Variants in ZDHHC2 observed in about 807,000 individuals in gnomAD.
The protein encoded by ZDHHC2 is palmitoyltransferase ZDHHC2.
ZDHHC2 carries 51 observed loss-of-function variants against 55.6 expected under a neutral mutation model. That is an observed-to-expected ratio of 0.92 (90% CI 0.73 to 1.16). ZDHHC2 has a LOEUF of 1.16. Ranked by LOEUF, ZDHHC2 falls within the 50% of genes most tolerant of loss-of-function variation. The pLI is 0.00. For synonymous variants in ZDHHC2, 199 were observed against 152.9 expected (o/e 1.30, Z -2.22); for missense variants, 491 against 442.4 (o/e 1.11, Z -0.99).
chr8:17,210,076 T>G lies in ZDHHC2; in HGVS notation c.857+18T>G. On this transcript the variant is annotated intron_variant, in intron 9 of 12. Coordinates refer to ENST00000262096, the MANE Select transcript of ZDHHC2 (RefSeq NM_016353.5). ...TTTTCAAGGTACTTCTTTGTTAAAA[T>G]TTTCAGGCTTTAAACTAATGAAAAT... 6.3e-7 allele frequency: 1 copy of G among 1,576,206 alleles called. No homozygotes were observed. The highest frequency in any genetic ancestry group is 8.6e-7 in the Non-Finnish European group (1 of 1,159,918).
intron 3 of ZDHHC2, among the ~76,000 whole-genome samples, chr8:17,188,221 C>G (rs1382844188): frequency 6.6e-6 from 1 of 152,158 alleles, no homozygotes; most frequent in Non-Finnish European, 1.5e-5. Flanking sequence ...CCTGGCCTAC[C>G]TTTCCTTCCC....
intron 8 of ZDHHC2, 113 bp from the exon 9 acceptor site, chr8:17,209,819 A>G (rs1463778503): frequency 1.6e-6 from 2 of 1,263,056 alleles, no homozygotes; most frequent in African/African-American, 3.1e-5. Context: ...CCTCACAGTC[A>G]GCTAGCCATT....
At chr8:17,180,805 G>A (rs111950216) in intron 1 of ZDHHC2, among the ~76,000 whole-genome samples, 59 of 152,282 alleles carry the variant, frequency 3.9e-4, no homozygotes, top group African/African-American at 1.4e-3. Context: ...ATTATGCTTA[G>A]TAATAATCTC....
intron 10 of ZDHHC2, among the ~76,000 whole-genome samples, 167 bp from the exon 11 acceptor site, chr8:17,215,070 G>A (rs1233501108): frequency 6.6e-6 from 1 of 152,170 alleles, no homozygotes; most frequent in East Asian, 1.9e-4. Flanking sequence ...CTCACCGCGA[G>A]TCAGTGCTAT....
chr8:17,184,511 A>G (rs1805605938), intron 1 of ZDHHC2, among the ~76,000 whole-genome samples: 1 of 152,244 alleles, frequency 6.6e-6, no homozygotes, highest in South Asian at 2.1e-4. Flanking sequence ...ATACAGAAAT[A>G]AGACCCGCAA....
chr8:17,196,306 C>T (rs898933550), intron 4 of ZDHHC2, among the ~76,000 whole-genome samples: 7 of 152,000 alleles, frequency 4.6e-5, no homozygotes, highest in Non-Finnish European at 7.4e-5. Context: ...CTGTTGAGCG[C>T]TTGAAGTATG....
At chr8:17,159,794 A>C (rs1804244394) in intron 1 of ZDHHC2, among the ~76,000 whole-genome samples, 1 of 152,138 alleles carries the variant, frequency 6.6e-6, no homozygotes, top group South Asian at 2.1e-4. Flanking sequence ...CATTTGGACC[A>C]CGTTTATCTC....
chr8:17,158,317 C>A (rs939009087), intron 1 of ZDHHC2, among the ~76,000 whole-genome samples: 3 of 152,162 alleles, frequency 2.0e-5, no homozygotes, highest in Non-Finnish European at 4.4e-5. Context: ...ATTCCTTCGT[C>A]CTCTTAAAAA....
At chr8:17,201,217 CT>C (rs1266630231) in intron 6 of ZDHHC2, among the ~76,000 whole-genome samples, 1 of 152,136 alleles carries the variant, frequency 6.6e-6, no homozygotes, top group Non-Finnish European at 1.5e-5. Flanking sequence ...CGTCATGGCA[CT>C]TTTCAGATCT....
chr8:17,164,471 G>A (rs1375764616), intron 1 of ZDHHC2, among the ~76,000 whole-genome samples: 5 of 151,988 alleles, frequency 3.3e-5, no homozygotes, highest in African/African-American at 9.7e-5. Flanking sequence ...TTCTCCTCAT[G>A]TGAAGTATAC....
chr8:17,162,392 G>A (rs1009280386), intron 1 of ZDHHC2, among the ~76,000 whole-genome samples: 1 of 152,158 alleles, frequency 6.6e-6, no homozygotes, highest in Non-Finnish European at 1.5e-5. Context: ...TTATGGAAAA[G>A]TTCGCTTGCA....
intron 3 of ZDHHC2, among the ~76,000 whole-genome samples, chr8:17,193,269 G>A (rs1246407955): frequency 2.0e-5 from 3 of 152,168 alleles, no homozygotes; most frequent in Admixed American, 6.5e-5. Flanking sequence ...TAATACTGTG[G>A]TTCTTACAGA....
intron 3 of ZDHHC2, among the ~76,000 whole-genome samples, chr8:17,193,955 T>A (rs530683090): frequency 6.6e-6 from 1 of 152,232 alleles, no homozygotes; most frequent in African/African-American, 2.4e-5. Flanking sequence ...GTGTGTGATG[T>A]TCCTTCCTGT....
At chr8:17,174,677 T>G (rs1411109313) in intron 1 of ZDHHC2, among the ~76,000 whole-genome samples, 1 of 151,768 alleles carries the variant, frequency 6.6e-6, no homozygotes. Context: ...TTAGTATTGT[T>G]CATTTTTGTG....
At chr8:17,207,865 T>C in intron 7 of ZDHHC2, 95 bp from the exon 8 acceptor site, 2 of 1,082,446 alleles carry the variant, frequency 1.8e-6, no homozygotes, top group East Asian at 3.3e-5. Flanking sequence ...AAGAAAAATT[T>C]TAAGCAAAAA....
At chr8:17,219,172 C>A (rs1807788174) in intron 12 of ZDHHC2, among the ~76,000 whole-genome samples, 1 of 139,216 alleles carries the variant, frequency 7.2e-6, no homozygotes. Context: ...ATTGCTTGAA[C>A]CCAGAAGGCA....
chr8:17,198,721 C>T (rs562050209), intron 6 of ZDHHC2, among the ~76,000 whole-genome samples: 1 of 152,098 alleles, frequency 6.6e-6, no homozygotes, highest in Admixed American at 6.6e-5. Flanking sequence ...CAGAAATACA[C>T]ACAAAGATGT....
rs145289161 is a variant in ZDHHC2, at chr8:17,174,151, G to A, written c.131-10638G>A. Among the ~76,000 whole-genome samples, 129 of 149,676 alleles carry A rather than the reference G, an allele frequency of 8.6e-4. 1 individual carries two copies. The highest frequency in any genetic ancestry group is 5.9e-3 in the East Asian group (30 of 5,074). On this transcript the variant is annotated intron_variant, in intron 1 of 12. Transcript: ENST00000262096. ...GTCTCCCAATCTGGAATACAGTGGC[G>A]TAATCACAGCTCGTGCTGCCTCGAC... is the stretch of plus-strand genomic sequence containing the variant.
chr8:17,205,855 A>C, intron 7 of ZDHHC2, 80 bp downstream of exon 7: 1 of 1,379,224 alleles, frequency 7.3e-7, no homozygotes, highest in Non-Finnish European at 9.8e-7. Context: ...ATTATTTCCG[A>C]CACTGACTTT....
Sources: gnomAD v4.1 joint callset for allele counts (sites outside exome capture counted in the v4.1 genomes callset) on GRCh38, gnomAD v4.1.1 for gene constraint, MANE v1.5 for transcripts, NCBI Gene and HGNC (gene_info 2026-07-23, HGNC 2026-07-21) for gene names.